TDRKH: variants seen among roughly 807,000 people sequenced by gnomAD.
The protein encoded by TDRKH is tudor and KH domain containing, also known as tudor and KH domain-containing protein.
Under a neutral mutation model 61.3 loss-of-function variants are expected in TDRKH, and 28 were observed. The observed-to-expected ratio is 0.46, with a 90% confidence interval of 0.34 to 0.63. TDRKH has a LOEUF of 0.63. Ranked by LOEUF, TDRKH falls within the 20% of genes least tolerant of loss-of-function variation. The pLI is 0.01. For synonymous variants in TDRKH, 219 were observed against 244.4 expected, an observed-to-expected ratio of 0.90 and a Z score of 0.97; for missense variants, 540 against 683.4, an observed-to-expected ratio of 0.79 and a Z score of 2.34.
downstream of TDRKH, chr1:151,771,006 A>C (rs752091093): frequency 2.5e-4 from 382 of 1,503,042 alleles, 1 homozygote; most frequent in Non-Finnish European, 3.2e-4. Context: ...TAGTGGAAGA[A>C]ATCAAATCTG....
At chr1:151,784,696 C>T (rs1650151842) in intron 1 of TDRKH, among the ~76,000 whole-genome samples, 1 of 152,068 alleles carries the variant, frequency 6.6e-6, no homozygotes, top group South Asian at 2.1e-4. Context: ...AGGGATCTGT[C>T]CTTCGCCCTC....
downstream of TDRKH, chr1:151,771,276 C>A: frequency 6.3e-7 from 1 of 1,588,448 alleles, no homozygotes. Context: ...GAATCAGGGG[C>A]CCGGGATGTG....
intron 1 of TDRKH, among the ~76,000 whole-genome samples, chr1:151,786,268 C>T (rs1017452987): frequency 2.6e-5 from 4 of 152,118 alleles, no homozygotes; most frequent in Non-Finnish European, 5.9e-5. Context: ...CTCTTATCCT[C>T]GAGGAATATG....
In TDRKH at chr1:151,780,025, T is replaced by A. The variant is rs759192804; in HGVS notation, c.347A>T (p.His116Leu). The change falls in exon 4 of 13, where the codon CAT becomes CTT. Residue 116 changes from histidine (H) to leucine (L), a missense_variant. Coordinates refer to ENST00000368824, the MANE Select transcript of TDRKH (RefSeq NM_001083965.2). Reference protein sequence around the residue: ...VQVCKAKAAIHQILTENTPVS... With the variant: ...VQVCKAKAAILQILTENTPVS... ...TGGGGTATTCTCTGTCAGGATCTGA[T>A]GGATTGCTGCTTTGGCCTTGCACAC... 1 of 1,614,242 alleles carries A rather than the reference T, an allele frequency of 6.2e-7. No homozygotes were observed. The highest frequency in any genetic ancestry group is 8.5e-7 in the Non-Finnish European group (1 of 1,180,042).
chr1:151,775,640 G>T lies in TDRKH; in HGVS notation c.1283-97C>A. ...CTTTTCTACTCAGGAAGGCACCTGT[G>T]TCTTCTCTGGTTGGGTTGGGTCTGC... On this transcript the variant is annotated intron_variant, in intron 9 of 12. Coordinates refer to ENST00000368824, the MANE Select transcript of TDRKH (RefSeq NM_001083965.2). 3.3e-6 allele frequency: 5 copies of T among 1,527,658 alleles called. No homozygotes were observed. The Middle Eastern group carries it at 9.6e-4, about 293-fold the overall frequency. The allele number at this position is 1,527,658 out of a possible 1,614,324, so 94.6% of individuals were successfully genotyped here.
intron 11 of TDRKH, 37 bp downstream of exon 11, chr1:151,775,028 C>A: frequency 6.2e-7 from 1 of 1,602,400 alleles, no homozygotes; most frequent in Non-Finnish European, 8.5e-7. Context: ...GCTAGATTTG[C>A]CTGGAAGCAG....
In TDRKH at chr1:151,775,142, C is replaced by G; in HGVS notation, c.1459G>C (p.Val487Leu). The G allele has an allele frequency of 6.2e-7, 1 of 1,614,098 alleles. No homozygotes were observed. Among genetic ancestry groups the G allele is most frequent in the East Asian group, 2.2e-5 (1 of 44,866 alleles). ...AGCTCAATTGCGTATCCTTTGTGTA[C>G]TAATTCTAGCCCAATATCAAGTTTC... ...GKKLDIGLEL[V>L]HKGYAIELPE... is the part of the protein sequence containing the mutation. Residue 487 changes from valine (V) to leucine (L), a missense_variant, in exon 11 of 13, where the codon GTA becomes CTA. This residue lies in a region of TDRKH where 379 missense variants were observed against 443.8 expected (regional missense o/e 0.85). Coordinates refer to ENST00000368824, the MANE Select transcript of TDRKH (RefSeq NM_001083965.2).
chr1:151,784,435 T>C (rs1650128686), intron 1 of TDRKH, among the ~76,000 whole-genome samples: 2 of 152,240 alleles, frequency 1.3e-5, no homozygotes, highest in Non-Finnish European at 2.9e-5. Flanking sequence ...GTTCTCTTCT[T>C]AAATCCACTC....
chr1:151,773,732 TG>T lies in TDRKH; in HGVS notation c.*719del. The T allele has an allele frequency of 6.6e-6, 1 of 152,336 alleles. No individual in the cohort carries two copies. The highest frequency in any genetic ancestry group is 2.1e-4 in the South Asian group (1 of 4,830). The allele number at this position is 152,336 out of a possible 1,614,324, so 9.4% of individuals were successfully genotyped here. A position where few individuals can be genotyped will look rare whatever the true frequency, so the allele number is the denominator to read the frequency against. ...CCAATAACATATCAGCAATTGAGGC[TG>T]GGAGGCAGTATTCTCTTCCCACTTC... On this transcript the variant is annotated 3_prime_UTR_variant, in exon 13 of 13. Transcript: ENST00000368824.
At chr1:151,767,066 C>G, downstream of TDRKH, 7 of 1,518,894 alleles carry the variant, frequency 4.6e-6, no homozygotes, top group Non-Finnish European at 5.4e-6. Context: ...ACAGGCTGGA[C>G]AACAGAAAAT....
At chr1:151,787,068 C>T (rs1650383155) in intron 1 of TDRKH, among the ~76,000 whole-genome samples, 1 of 151,990 alleles carries the variant, frequency 6.6e-6, no homozygotes, top group South Asian at 2.1e-4. Context: ...TTGTATATAC[C>T]AAAGGAAAGG....
downstream of TDRKH, chr1:151,770,112 CGGAGAG>C (rs901648615): frequency 3.1e-4 from 143 of 458,678 alleles, 1 homozygote; most frequent in Middle Eastern, 9.5e-4. Flanking sequence ...GAGACGGAGA[CGGAGAG>C]GGAGAGGGAG....
chr1:151,766,815 T>C (rs1203213379), downstream of TDRKH: 8 of 1,607,806 alleles, frequency 5.0e-6, no homozygotes, highest in African/African-American at 9.4e-5. Flanking sequence ...CTGGTCACCA[T>C]ACGCCTATTA....
chr1:151,770,483 G>A, downstream of TDRKH: 1 of 538,268 alleles, frequency 1.9e-6, no homozygotes, highest in South Asian at 2.2e-5. Flanking sequence ...CCAGACTGAA[G>A]GAGCACTGGT....
chr1:151,767,990 A>G (rs139302413), downstream of TDRKH: 28 of 1,585,034 alleles, frequency 1.8e-5, no homozygotes, highest in African/African-American at 3.5e-4. Flanking sequence ...CCTTGCTTCA[A>G]CGGACACACC....
intron 1 of TDRKH, 137 bp downstream of exon 1, chr1:151,790,243 G>A (rs1218477593): frequency 1.3e-5 from 2 of 152,164 alleles, no homozygotes; most frequent in Non-Finnish European, 2.9e-5. Context: ...CACAGCCCAG[G>A]GCTCTGACTC....
At chr1:151,771,317 G>A, downstream of TDRKH, 1 of 1,544,876 alleles carries the variant, frequency 6.5e-7, no homozygotes, top group Non-Finnish European at 8.7e-7. Context: ...TAGGAATAAA[G>A]GGTAGTGCAA....
downstream of TDRKH, chr1:151,768,346 C>T: frequency 7.0e-7 from 1 of 1,436,280 alleles, no homozygotes; most frequent in Non-Finnish European, 9.3e-7. Context: ...AATCCATTCA[C>T]CTGGCATGCA....
chr1:151,766,783 C>T, downstream of TDRKH: 1 of 1,578,750 alleles, frequency 6.3e-7, no homozygotes, highest in South Asian at 1.2e-5. Flanking sequence ...AGGGGAAAAA[C>T]ACGTAACTAC....
Sources: gnomAD v4.1 joint callset for allele counts (sites outside exome capture counted in the v4.1 genomes callset) on GRCh38, gnomAD v4.1.1 for gene constraint, gnomAD v4.1.1 regional missense constraint, MANE v1.5 for transcripts, NCBI Gene and HGNC (gene_info 2026-07-23, HGNC 2026-07-21) for gene names.